LAMA3: variants seen among roughly 807,000 people sequenced by gnomAD.
LAMA3 encodes the protein laminin subunit alpha 3.
Under a neutral mutation model 402.0 loss-of-function variants are expected in LAMA3, and 281 were observed. The observed-to-expected ratio is 0.70, with a 90% confidence interval of 0.63 to 0.77. LAMA3 has a LOEUF of 0.77. LAMA3 is among the 30% of genes least tolerant of loss of function. LAMA3 has a pLI of 0.00. For synonymous variants in LAMA3, 1,431 were observed against 1,558.4 expected, an observed-to-expected ratio of 0.92 and a Z score of 1.93; for missense variants, 3,840 against 4,215.5, an observed-to-expected ratio of 0.91 and a Z score of 2.47.
chr18:23,923,834 G>T (rs544303757), intron 62 of LAMA3, among the ~76,000 whole-genome samples: 2 of 152,328 alleles, frequency 1.3e-5, no homozygotes, highest in East Asian at 3.9e-4. Flanking sequence ...AGACAGTGAT[G>T]TGGATGCCAG....
At chr18:23,938,427 TA>T (rs770111611) in intron 67 of LAMA3, among the ~76,000 whole-genome samples, 48 of 152,214 alleles carry the variant, frequency 3.2e-4, no homozygotes, top group Admixed American at 3.9e-4. Flanking sequence ...TAGTCACATT[TA>T]ACATTTATTA....
In LAMA3 at chr18:23,879,053, C is replaced by T. The variant is rs1000321061; in HGVS notation, c.5112+2646C>T. 6.6e-6 allele frequency among the ~76,000 whole-genome samples: 1 copy of T among 152,036 alleles called. No homozygotes were observed. The highest frequency in any genetic ancestry group is 1.5e-5 in the Non-Finnish European group (1 of 67,998). ...TCCTCTCCGTTCCTATTTCCCTCCC[C>T]TTTTCTTTTTCTGTCTTCTTTCTTC... On this transcript the variant is annotated intron_variant, in intron 39 of 74. Transcript: ENST00000313654. The surrounding 1 kb of genome is among the most constrained non-coding windows in gnomAD (Gnocchi z 4.2).
At chr18:23,799,900 T>G (rs965967026) in intron 12 of LAMA3, among the ~76,000 whole-genome samples, 1 of 152,236 alleles carries the variant, frequency 6.6e-6, no homozygotes, top group African/African-American at 2.4e-5. Flanking sequence ...TTCCTCCCTC[T>G]TCTTCAGGGG....
At position 23,751,009 on chromosome 18, in the gene LAMA3, G is replaced by A. The variant is rs2061741410; in HGVS notation, c.776G>A (p.Arg259His). The change falls in exon 5 of 75, where the codon CGC becomes CAC. Residue 259 changes from arginine to histidine, a missense_variant. Around this residue, in one of 3 missense-constraint regions of LAMA3, gnomAD observed 2,109 missense variants for 2,376.0 expected, o/e 0.89. Transcript: ENST00000313654. ...GAGTTTACCAAGGCAACAAACATCC[G>A]CTTGCGTTTTCTTAGAACCAATACG... ...LREFTKATNIRLRFLRTNTLL... is the reference protein window; with the variant it reads ...LREFTKATNIHLRFLRTNTLL... 4 of 1,613,898 alleles carry A rather than the reference G, an allele frequency of 2.5e-6. No individual in the cohort carries two copies. Among genetic ancestry groups the A allele is most frequent in the Admixed American group, 1.7e-5 (1 of 59,982 alleles).
chr18:23,854,667 A>G (rs886403382), intron 32 of LAMA3, among the ~76,000 whole-genome samples: 1 of 149,622 alleles, frequency 6.7e-6, no homozygotes, highest in Non-Finnish European at 1.5e-5. Context: ...AAAAATAAAT[A>G]AAAAAAGAAA....
At position 23,905,452 on chromosome 18, in the gene LAMA3, G is replaced by A. The variant is rs1468124009; in HGVS notation, c.6616-70G>A. ...CTTAAAATTAAGGGCTTCAGACTAG[G>A]ATAGAAATCTTATTCCATATTTCGT... is the stretch of plus-strand genomic sequence containing the variant. On this transcript the variant is annotated intron_variant, in intron 51 of 74. Coordinates refer to ENST00000313654, the MANE Select transcript of LAMA3 (RefSeq NM_198129.4). The A allele has an allele frequency of 6.8e-6, 6 of 880,290 alleles. No homozygotes were observed. The South Asian group carries it at 7.9e-5, about 12-fold the overall frequency. 54.5% of individuals were successfully genotyped at this position (880,290 alleles called of 1,614,324 possible). A position where few individuals can be genotyped will look rare whatever the true frequency, so the allele number is the denominator to read the frequency against.
intron 2 of LAMA3, among the ~76,000 whole-genome samples, chr18:23,735,651 G>A (rs769532180): frequency 9.9e-5 from 15 of 152,102 alleles, no homozygotes; most frequent in Non-Finnish European, 1.8e-4. Context: ...CAAGAGTCCC[G>A]CAGGAATGGG....
At chr18:23,953,633 C>T (rs531275512) in intron 74 of LAMA3, among the ~76,000 whole-genome samples, 7 of 152,150 alleles carry the variant, frequency 4.6e-5, no homozygotes, top group Non-Finnish European at 1.0e-4. Flanking sequence ...TGAGCCACTG[C>T]ACCTGGCCCC....
chr18:23,842,712 G>A lies in LAMA3; in HGVS notation c.3565G>A (p.Ala1189Thr), dbSNP rs771491240. The A allele has an allele frequency of 3.2e-5, 51 of 1,614,074 alleles. No individual in the cohort carries two copies. Among genetic ancestry groups the A allele is most frequent in the East Asian group, 2.0e-4 (9 of 44,888 alleles). ...EFDISEPEVA[A>T]TVKVPEGKSL... ...TGACATCTCAGAGCCTGAAGTGGCC[G>A]CAACTGTGAAGGTTCCAGAAGGAAA... Residue 1189 changes from alanine (A) to threonine (T), a missense_variant, in exon 29 of 75, where the codon GCA becomes ACA. Physicochemically the swap from Ala to Thr is moderately conservative, Grantham distance 58. Around this residue, in one of 3 missense-constraint regions of LAMA3, gnomAD observed 2,109 missense variants for 2,376.0 expected, o/e 0.89. Coordinates refer to ENST00000313654, the MANE Select transcript of LAMA3 (RefSeq NM_198129.4).
intron 18 of LAMA3, among the ~76,000 whole-genome samples, chr18:23,818,445 C>T (rs901103143): frequency 2.6e-5 from 4 of 152,204 alleles, no homozygotes; most frequent in African/African-American, 9.6e-5. Flanking sequence ...GGCTAGCAAA[C>T]CAACAGTGTG....
chr18:23,939,312 T>A lies in LAMA3; in HGVS notation c.8952T>A (p.His2984Gln), dbSNP rs201972791. The A allele has an allele frequency of 1.9e-6, 3 of 1,614,166 alleles. No homozygotes were observed. The East Asian group carries it at 6.7e-5, about 36-fold the overall frequency. ...CACTTCCCAAGACCCAGGCCAATCA[T>A]GGAGCCCTCCAGTTTGGGGACATTC... ...CSPLPKTQAN[H>Q]GALQFGDIPT... is the part of the protein sequence containing the mutation. The change falls in exon 68 of 75, where the codon CAT (histidine) becomes CAA (glutamine). Residue 2984 changes from histidine to glutamine, a missense_variant. Coordinates refer to ENST00000313654, the MANE Select transcript of LAMA3 (RefSeq NM_198129.4).
At chr18:23,899,687 C>T (rs961151497) in intron 47 of LAMA3, 8 of 446,152 alleles carry the variant, frequency 1.8e-5, no homozygotes, top group Non-Finnish European at 3.2e-5. Flanking sequence ...AAAAGTTCTT[C>T]TAAAAGTTAG....
At chr18:23,899,818 A>G (rs576319799) in intron 47 of LAMA3, 5 of 228,726 alleles carry the variant, frequency 2.2e-5, no homozygotes, top group African/African-American at 4.6e-5. Flanking sequence ...TTGAATCACA[A>G]ATTGATATTA....
At chr18:23,710,255 G>A in intron 1 of LAMA3, 1 of 574,616 alleles carries the variant, frequency 1.7e-6, no homozygotes, top group South Asian at 1.8e-5. Flanking sequence ...CTTTAGGAGG[G>A]ACAGGAGCTT....
rs111750092 is a variant in LAMA3, at chr18:23,785,349, C to T, written c.1603+1192C>T. Among the ~76,000 whole-genome samples, 200 of 152,280 alleles carry T rather than the reference C, an allele frequency of 1.3e-3. 1 individual carries two copies. Among genetic ancestry groups the T allele is most frequent in the African/African-American group, 4.3e-3 (180 of 41,544 alleles). Reference sequence around the variant, plus strand: ...TAGGTCATCTCACCTGCAAGGTCAGCCACACTAAGGAACTGTAAGCATGAA... The same window carrying T: ...TAGGTCATCTCACCTGCAAGGTCAGTCACACTAAGGAACTGTAAGCATGAA... On this transcript the variant is annotated intron_variant, in intron 12 of 74. Coordinates refer to ENST00000313654, the MANE Select transcript of LAMA3 (RefSeq NM_198129.4).
intron 42 of LAMA3, among the ~76,000 whole-genome samples, chr18:23,893,411 C>T (rs1472798675): frequency 2.0e-5 from 3 of 152,128 alleles, no homozygotes; most frequent in Non-Finnish European, 2.9e-5. Flanking sequence ...GGTGAAACCC[C>T]GTCTCTACTA....
In LAMA3 at chr18:23,861,747, G is replaced by C. The variant is rs1889888733; in HGVS notation, c.4524G>C (p.Glu1508Asp). Reference sequence around the variant, plus strand: ...ACAGTATGGTGGCGGATCTCCAGGAGCTGCCCGCAACCATCCACAGCGCGT... The same window carrying C: ...ACAGTATGGTGGCGGATCTCCAGGACCTGCCCGCAACCATCCACAGCGCGT... The part of the protein sequence containing the change: ...GSNSMVADLQ[E>D]LPATIHSASW... Residue 1508 changes from glutamate (E) to aspartate (D), a missense_variant, in exon 35 of 75, where the codon GAG becomes GAC. This residue lies in a region of LAMA3 where 2,109 missense variants were observed against 2,376.0 expected (regional missense o/e 0.89). Coordinates refer to ENST00000313654, the MANE Select transcript of LAMA3 (RefSeq NM_198129.4). 1.2e-6 allele frequency: 2 copies of C among 1,614,000 alleles called. No homozygotes were observed. Among genetic ancestry groups the C allele is most frequent in the Non-Finnish European group, 1.7e-6 (2 of 1,179,986 alleles).
chr18:23,901,917 C>G (rs1047221419), intron 48 of LAMA3, among the ~76,000 whole-genome samples: 8 of 152,226 alleles, frequency 5.3e-5, no homozygotes, highest in African/African-American at 1.7e-4. Flanking sequence ...TGGTCTCGAA[C>G]TCCTGACCTC....
At chr18:23,929,646 T>C (rs1400754155) in intron 64 of LAMA3, among the ~76,000 whole-genome samples, 1 of 152,158 alleles carries the variant, frequency 6.6e-6, no homozygotes, top group Non-Finnish European at 1.5e-5. Flanking sequence ...GCTGACTCTG[T>C]AGCTCTGTAA....
Sources: gnomAD v4.1 joint callset for allele counts (sites outside exome capture counted in the v4.1 genomes callset) on GRCh38, gnomAD v4.1.1 for gene constraint, gnomAD v4.1.1 regional missense constraint, Gnocchi (gnomAD v3.1) non-coding constraint, MANE v1.5 for transcripts, NCBI Gene and HGNC (gene_info 2026-07-23, HGNC 2026-07-21) for gene names.